The following SSBP2 variants were observed in gnomAD, a reference collection of about 807,000 sequenced individuals.
SSBP2 encodes single stranded DNA binding protein 2.
Under a neutral mutation model 61.8 loss-of-function variants are expected in SSBP2, and 17 were observed. The observed-to-expected ratio is 0.28, with a 90% confidence interval of 0.19 to 0.41. SSBP2 has a LOEUF of 0.41. Ranked by LOEUF, SSBP2 falls within the 10% of genes least tolerant of loss-of-function variation. The pLI is 1.00. For synonymous variants in SSBP2, 139 were observed against 141.3 expected (o/e 0.98, Z 0.12); for missense variants, 310 against 458.7 (o/e 0.68, Z 2.96).
intron 4 of SSBP2, among the ~76,000 whole-genome samples, chr5:81,563,853 C>CA (rs1218719021): frequency 6.6e-6 from 1 of 151,898 alleles, no homozygotes; most frequent in Non-Finnish European, 1.5e-5. Flanking sequence ...GGACATGACA[C>CA]AAAAAACACA....
chr5:81,595,492 G>A (rs1274588719), intron 4 of SSBP2, among the ~76,000 whole-genome samples: 2 of 152,168 alleles, frequency 1.3e-5, no homozygotes, highest in Non-Finnish European at 2.9e-5. Context: ...CTCATTTTAT[G>A]AGGCCAGCAT....
chr5:81,534,455 T>C (rs906371966), intron 4 of SSBP2, among the ~76,000 whole-genome samples: 3 of 152,068 alleles, frequency 2.0e-5, no homozygotes, highest in Admixed American at 6.6e-5. Context: ...CAAAGAACTC[T>C]AATGGATAAT....
intron 4 of SSBP2, among the ~76,000 whole-genome samples, chr5:81,564,191 T>C (rs1458453731): frequency 6.6e-6 from 1 of 152,140 alleles, no homozygotes; most frequent in Non-Finnish European, 1.5e-5. Context: ...AATGCCACAA[T>C]GAGCTATCAC....
intron 15 of SSBP2, among the ~76,000 whole-genome samples, chr5:81,431,129 A>C (rs1247844901): frequency 2.6e-5 from 4 of 152,152 alleles, no homozygotes; most frequent in South Asian, 4.2e-4. Context: ...GCTTCATTTA[A>C]CTGTAGCTGT....
chr5:81,615,419 G>C (rs1745915230), intron 4 of SSBP2, 54 bp downstream of exon 4: 1 of 1,282,344 alleles, frequency 7.8e-7, no homozygotes. Flanking sequence ...TTTAAGAGCA[G>C]TGGTTAAACA....
chr5:81,437,483 C>A (rs939349531), intron 14 of SSBP2, 25 bp from the exon 15 acceptor site: 49 of 1,591,950 alleles, frequency 3.1e-5, no homozygotes, highest in Non-Finnish European at 4.2e-5. Context: ...AAAAAGAAAG[C>A]CTTTATTAGG....
intron 1 of SSBP2, among the ~76,000 whole-genome samples, chr5:81,699,516 G>A (rs1357696362): frequency 6.6e-6 from 1 of 152,178 alleles, no homozygotes; most frequent in Non-Finnish European, 1.5e-5. Context: ...TCATCCATAA[G>A]AAATAACTCC....
At chr5:81,431,912 T>C (rs1762316325) in intron 15 of SSBP2, among the ~76,000 whole-genome samples, 1 of 152,182 alleles carries the variant, frequency 6.6e-6, no homozygotes, top group African/African-American at 2.4e-5. Flanking sequence ...TAGTAAGTTA[T>C]TATCCCTTCT....
intron 1 of SSBP2, among the ~76,000 whole-genome samples, chr5:81,724,120 C>T (rs1027683010): frequency 6.6e-6 from 1 of 151,972 alleles, no homozygotes; most frequent in African/African-American, 2.4e-5. Flanking sequence ...TTTTTTAAAT[C>T]AACATATATT....
rs140739577 is a variant in SSBP2 at position 81,514,617 on chromosome 5, A to C, written c.283-900T>G. 6.5e-3 allele frequency among the ~76,000 whole-genome samples: 996 copies of C among 152,176 alleles called. 6 individuals carry two copies. Among genetic ancestry groups the C allele is most frequent in the African/African-American group, 0.022 (919 of 41,572 alleles). ...GAAGATAGATCAGTTTGAATTGAAC[A>C]GTTCTGCTATGATGAGAAATCAAAG... On this transcript the variant is annotated intron_variant, in intron 4 of 16. Coordinates refer to ENST00000320672, the MANE Select transcript of SSBP2 (RefSeq NM_012446.5).
intron 4 of SSBP2, among the ~76,000 whole-genome samples, chr5:81,587,494 G>A (rs896834920): frequency 2.6e-5 from 4 of 152,158 alleles, no homozygotes; most frequent in Admixed American, 6.5e-5. Context: ...AACTTTGGGA[G>A]GCCAAGGCAG....
At chr5:81,493,295 T>C (rs980383189) in intron 5 of SSBP2, among the ~76,000 whole-genome samples, 3 of 143,102 alleles carry the variant, frequency 2.1e-5, no homozygotes, top group African/African-American at 5.1e-5. Flanking sequence ...GATAGATAGA[T>C]AGATAGATTA....
chr5:81,633,349 C>T (rs945940915), intron 3 of SSBP2, among the ~76,000 whole-genome samples: 2 of 152,006 alleles, frequency 1.3e-5, no homozygotes, highest in African/African-American at 4.8e-5. Flanking sequence ...CTCCTGATCT[C>T]AAGTGATCCA....
chr5:81,521,036 T>A (rs1364742667), intron 4 of SSBP2, among the ~76,000 whole-genome samples: 1 of 152,094 alleles, frequency 6.6e-6, no homozygotes, highest in Non-Finnish European at 1.5e-5. Context: ...TTTTTAAACT[T>A]TATGGCTATA....
At position 81,552,596 on chromosome 5, in the gene SSBP2, C is replaced by A. The variant is rs146603884; in HGVS notation, c.283-38879G>T. Among the ~76,000 whole-genome samples, 911 of 149,920 alleles carry A rather than the reference C, an allele frequency of 6.1e-3. 11 individuals carry two copies. Among genetic ancestry groups the A allele is most frequent in the African/African-American group, 0.021 (865 of 40,600 alleles). On this transcript the variant is annotated intron_variant, in intron 4 of 16. Transcript: ENST00000320672. ...GAGGATGCAGTGAGCTGAGATCACA[C>A]CACTGCACTCCAGCCTGGGCAACAG...
intron 7 of SSBP2, 50 bp from the exon 8 acceptor site, chr5:81,473,820 C>G: frequency 6.5e-7 from 1 of 1,539,468 alleles, no homozygotes; most frequent in Non-Finnish European, 9.0e-7. Flanking sequence ...GAGTACTAAA[C>G]CAGAGGCTAG....
intron 4 of SSBP2, among the ~76,000 whole-genome samples, chr5:81,518,405 T>C (rs2154090742): frequency 6.6e-6 from 1 of 152,214 alleles, no homozygotes; most frequent in East Asian, 1.9e-4. Flanking sequence ...GGTTCCTCCC[T>C]TGAGAATGGT....
chr5:81,625,001 T>A (rs1746994612), intron 3 of SSBP2, among the ~76,000 whole-genome samples: 1 of 150,496 alleles, frequency 6.6e-6, no homozygotes, highest in Non-Finnish European at 1.5e-5. Context: ...ATTGCTCACT[T>A]GCTCAAAATT....
intron 4 of SSBP2, among the ~76,000 whole-genome samples, chr5:81,549,963 A>G (rs1772045747): frequency 1.3e-5 from 2 of 152,126 alleles, no homozygotes; most frequent in Non-Finnish European, 2.9e-5. Context: ...TGCTTTTCTA[A>G]TAGCAGTCTT....
Sources: allele counts gnomAD v4.1 joint callset (sites outside exome capture counted in the v4.1 genomes callset), GRCh38; gene constraint gnomAD v4.1.1; transcripts MANE v1.5; gene names NCBI Gene and HGNC (gene_info 2026-07-23, HGNC 2026-07-21).